DNAH8: variants seen among roughly 807,000 people sequenced by gnomAD.
DNAH8 encodes the protein axonemal beta dynein heavy chain 8.
A neutral mutation model predicts 562.1 loss-of-function variants in DNAH8; 382 were observed. The ratio of observed to expected loss-of-function variants is 0.68; its 90% confidence interval spans 0.63 to 0.74. DNAH8 has a LOEUF of 0.74. Ranked by LOEUF, DNAH8 falls within the 30% of genes least tolerant of loss-of-function variation. The probability of loss-of-function intolerance (pLI) is 0.00; values close to 1 mark genes in which losing one functional copy is unlikely to be tolerated. For synonymous variants in DNAH8, 1,881 were observed against 1,919.4 expected, an observed-to-expected ratio of 0.98 and a Z score of 0.52; for missense variants, 5,203 against 5,620.4, an observed-to-expected ratio of 0.93 and a Z score of 2.37.
intron 88 of DNAH8, among the ~76,000 whole-genome samples, chr6:38,996,548 A>G (rs1583534893): frequency 6.6e-6 from 1 of 152,312 alleles, no homozygotes; most frequent in East Asian, 1.9e-4. Context: ...GCTCTCTGCC[A>G]TGTGACAAGG....
At position 38,866,824 on chromosome 6, in the gene DNAH8, C is replaced by A. The variant is rs1353776663; in HGVS notation, c.6641C>A (p.Ala2214Asp). 8 of 1,613,246 alleles carry A rather than the reference C, an allele frequency of 5.0e-6. No individual in the cohort carries two copies. Among genetic ancestry groups the A allele is most frequent in the Non-Finnish European group, 6.8e-6 (8 of 1,179,666 alleles). The change falls in exon 47 of 93, where the codon GCT (alanine) becomes GAT (aspartate). Residue 2214 changes from alanine (A) to aspartate (D), a missense_variant. Coordinates refer to ENST00000327475, the MANE Select transcript of DNAH8 (RefSeq NM_001206927.2). ...SCGFLENVIL[A>D]QKFYVLYKLC... ...GGTTTTCTTGAAAATGTTATCTTGG[C>A]TCAAAAATTTTACGTTCTTTACAAA... is the stretch of plus-strand genomic sequence containing the variant.
intron 82 of DNAH8, among the ~76,000 whole-genome samples, chr6:38,953,473 G>A (rs1054113762): frequency 1.3e-5 from 2 of 152,182 alleles, no homozygotes; most frequent in African/African-American, 4.8e-5. Context: ...TTATCATACT[G>A]CTTTGCTTGG....
At chr6:39,029,709 G>A (rs1242488031) in intron 92 of DNAH8, among the ~76,000 whole-genome samples, 3 of 152,100 alleles carry the variant, frequency 2.0e-5, no homozygotes, top group Non-Finnish European at 2.9e-5. Flanking sequence ...TTGGTTGGCC[G>A]GGGGCAGGCT....
intron 21 of DNAH8, among the ~76,000 whole-genome samples, chr6:38,802,182 A>G (rs1308107819): frequency 6.6e-6 from 1 of 151,828 alleles, no homozygotes; most frequent in Non-Finnish European, 1.5e-5. Flanking sequence ...GCAATCCTCC[A>G]TCCTCAGCCT....
In DNAH8 at chr6:38,814,997, C is replaced by T. The variant is rs377386835; in HGVS notation, c.3334-471C>T. On this transcript the variant is annotated intron_variant, in intron 25 of 92. Coordinates refer to ENST00000327475, the MANE Select transcript of DNAH8 (RefSeq NM_001206927.2). ...CGGTCCGTGACTCACCTAAAACCAC[C>T]TTTACATGGTCTGACCTCCTGAAGG... 5.9e-5 allele frequency among the ~76,000 whole-genome samples: 9 copies of T among 152,262 alleles called. No individual in the cohort carries two copies. In the South Asian group the frequency reaches 6.2e-4, roughly 11 times the overall value.
intron 9 of DNAH8, among the ~76,000 whole-genome samples, chr6:38,752,103 C>A (rs967529857): frequency 1.6e-4 from 24 of 152,122 alleles, no homozygotes; most frequent in African/African-American, 5.1e-4. Context: ...TATTTTTCCA[C>A]TTTACTATGT....
chr6:38,949,049 C>A (rs1761664291), intron 80 of DNAH8, among the ~76,000 whole-genome samples: 1 of 151,980 alleles, frequency 6.6e-6, no homozygotes, highest in Admixed American at 6.6e-5. Context: ...TTGTTAGGAC[C>A]CGGGTGGAGG....
intron 70 of DNAH8, among the ~76,000 whole-genome samples, chr6:38,919,186 T>C (rs1312193730): frequency 1.3e-5 from 2 of 152,196 alleles, no homozygotes; most frequent in East Asian, 3.8e-4. Flanking sequence ...TAATGTGTTA[T>C]GCAATAAATA....
chr6:38,716,130 T>C (rs1297477724), intron 1 of DNAH8, among the ~76,000 whole-genome samples: 1 of 149,354 alleles, frequency 6.7e-6, no homozygotes. Context: ...GGCTAATTTT[T>C]TTTGGTATTT....
At chr6:38,738,131 ATTC>A (rs1189396973) in intron 7 of DNAH8, among the ~76,000 whole-genome samples, 159 bp downstream of exon 7, 2 of 152,208 alleles carry the variant, frequency 1.3e-5, no homozygotes, top group South Asian at 2.1e-4. Flanking sequence ...GAGCAAAATC[ATTC>A]TTCTTTGTGG....
chr6:38,951,648 A>T, intron 82 of DNAH8, 128 bp downstream of exon 82: 1 of 812,958 alleles, frequency 1.2e-6, no homozygotes, highest in Non-Finnish European at 2.0e-6. Flanking sequence ...TATTAAACTT[A>T]TTCCTCTTTC....
chr6:38,823,719 T>TA, intron 28 of DNAH8, 31 bp downstream of exon 28: 1 of 1,506,522 alleles, frequency 6.6e-7, no homozygotes, highest in Non-Finnish European at 9.1e-7. Flanking sequence ...ATGTAAAGTA[T>TA]CTGTACTTTC....
intron 1 of DNAH8, among the ~76,000 whole-genome samples, chr6:38,715,707 C>T (rs9366974): frequency 0.13 from 19,034 of 150,316 alleles, 2,771 homozygotes; most frequent in African/African-American, 0.34. Flanking sequence ...AGGAGCTAAG[C>T]TATTGCTACG....
rs746765756 is a variant in DNAH8 at position 38,938,815 on chromosome 6, T to C, written c.11834T>C (p.Leu3945Pro). The change falls in exon 79 of 93, where the codon CTA (leucine) becomes CCA (proline). Residue 3945 changes from leucine (L) to proline (P), a missense_variant. Coordinates refer to ENST00000327475, the MANE Select transcript of DNAH8 (RefSeq NM_001206927.2). ...TGTTTCAGATCTGAAAAGTCACCAC[T>C]ACCTCAAAAGAGAATTACAAATATT... ...QSMARSEKSPLPQKRITNIIE... is the reference protein window; with the variant it reads ...QSMARSEKSPPPQKRITNIIE... 8.7e-6 allele frequency: 14 copies of C among 1,606,268 alleles called. No homozygotes were observed. In the South Asian group the frequency reaches 1.6e-4, roughly 18 times the overall value.
rs994663754 is a variant in DNAH8, at chr6:38,951,384, G to C, written c.12315G>C (p.Lys4105Asn). The C allele has an allele frequency of 6.2e-7, 1 of 1,614,152 alleles. No individual in the cohort carries two copies. The highest frequency in any genetic ancestry group is 1.3e-5 in the African/African-American group (1 of 75,036). Residue 4105 changes from lysine to asparagine, a missense_variant, in exon 82 of 93, where the codon AAG (lysine) becomes AAC (asparagine). Around this residue, in one of 6 missense-constraint regions of DNAH8, gnomAD observed 1,399 missense variants for 1,518.4 expected, o/e 0.92. Transcript: ENST00000327475. ...ATATTGCAGATTCTTTGGAGGAGAA[G>C]TACACAGAACCAGTTATCTTAAATC... is the stretch of plus-strand genomic sequence containing the variant. ...RKYIADSLEE[K>N]YTEPVILNLE...
intron 71 of DNAH8, among the ~76,000 whole-genome samples, chr6:38,922,813 G>T (rs1253065131): frequency 6.6e-6 from 1 of 152,164 alleles, no homozygotes; most frequent in African/African-American, 2.4e-5. Flanking sequence ...CTGATTAAAA[G>T]ATAAATTATG....
intron 76 of DNAH8, among the ~76,000 whole-genome samples, chr6:38,934,525 A>C (rs1398862006): frequency 6.6e-6 from 1 of 152,180 alleles, no homozygotes; most frequent in Non-Finnish European, 1.5e-5. Flanking sequence ...ATTTTCCCAG[A>C]AACCTTCCCA....
chr6:39,002,860 A>G (rs1429172199), intron 88 of DNAH8, among the ~76,000 whole-genome samples: 1 of 152,194 alleles, frequency 6.6e-6, no homozygotes, highest in African/African-American at 2.4e-5. Context: ...CCCTCGTATC[A>G]CTGTATCTGA....
rs756254956 is a variant in DNAH8, at chr6:38,913,866, G to A, written c.9877G>A (p.Glu3293Lys). Reference sequence around the variant, plus strand: ...TTGTAAAGGTCTTGATAAACTAATGGAGGCAAGTGAATCTGTTGCTAAACT... The same window carrying A: ...TTGTAAAGGTCTTGATAAACTAATGAAGGCAAGTGAATCTGTTGCTAAACT... ...RMNIGLDKLM[E>K]ASESVAKLSQ... The change falls in exon 67 of 93, where the codon GAG (glutamate) becomes AAG (lysine). Residue 3293 changes from glutamate to lysine, a missense_variant. Glu to Lys is a moderately conservative substitution (Grantham distance 56). Transcript: ENST00000327475. 1.2e-6 allele frequency: 2 copies of A among 1,612,848 alleles called. No homozygotes were observed. The highest frequency in any genetic ancestry group is 1.7e-6 in the Non-Finnish European group (2 of 1,179,114).
Sources: gnomAD v4.1 joint callset for allele counts (sites outside exome capture counted in the v4.1 genomes callset) on GRCh38, gnomAD v4.1.1 for gene constraint, gnomAD v4.1.1 regional missense constraint, MANE v1.5 for transcripts, NCBI Gene and HGNC (gene_info 2026-07-23, HGNC 2026-07-21) for gene names.